DISC1: variants seen among roughly 807,000 people sequenced by gnomAD.
DISC1 encodes the protein disrupted in schizophrenia 1 protein.
Under a neutral mutation model 84.5 loss-of-function variants are expected in DISC1, and 57 were observed. The ratio of observed to expected loss-of-function variants is 0.67; its 90% CI spans 0.55 to 0.84. The LOEUF (loss-of-function observed/expected upper bound fraction) is 0.84. DISC1 is among the 40% of genes least tolerant of loss of function. The pLI is 0.00. For synonymous variants in DISC1, 411 were observed against 415.2 expected (o/e 0.99, Z 0.12); for missense variants, 1,000 against 1,057.8 (o/e 0.95, Z 0.76).
intron 9 of DISC1, among the ~76,000 whole-genome samples, chr1:231,884,979 G>C (rs190259675): frequency 2.6e-4 from 39 of 152,208 alleles, no homozygotes; most frequent in African/African-American, 8.7e-4. Context: ...GTCCTTCCGT[G>C]TTCCACCTGA....
At chr1:231,955,640 C>T (rs1024560052) in intron 9 of DISC1, among the ~76,000 whole-genome samples, 4 of 152,062 alleles carry the variant, frequency 2.6e-5, no homozygotes, top group African/African-American at 9.7e-5. Context: ...CAGGCACCCA[C>T]CACCACGCCC....
intron 1 of DISC1, among the ~76,000 whole-genome samples, chr1:231,680,095 G>T (rs540403759): frequency 1.3e-3 from 201 of 152,282 alleles, no homozygotes; most frequent in Non-Finnish European, 2.3e-3. Context: ...GGGCATGGTG[G>T]TGCATGCCTG....
intron 10 of DISC1, among the ~76,000 whole-genome samples, chr1:231,974,586 A>G (rs1440148697): frequency 1.3e-5 from 2 of 152,188 alleles, no homozygotes; most frequent in Non-Finnish European, 2.9e-5. Context: ...CTTCCGTAAT[A>G]AGAATCCCTA....
At chr1:231,681,132 G>A (rs1214904402) in intron 1 of DISC1, among the ~76,000 whole-genome samples, 20 of 152,196 alleles carry the variant, frequency 1.3e-4, no homozygotes, top group Admixed American at 1.3e-3. Flanking sequence ...AGATTTTGGA[G>A]TAGCACTTTA....
At position 231,834,341 on chromosome 1, in the gene DISC1, C is replaced by T. The variant is rs568899775; in HGVS notation, c.1981+15824C>T. On this transcript the variant is annotated intron_variant, in intron 9 of 12. Coordinates refer to ENST00000439617, the MANE Select transcript of DISC1 (RefSeq NM_018662.3). ...AAGGAAGATTAGAAAGACTTAGCGA[C>T]GCTTGGGGTTGGGACTGAGGGGACA... Among the ~76,000 whole-genome samples the T allele has an allele frequency of 7.2e-5, 11 of 151,996 alleles. No homozygotes were observed. The East Asian group carries it at 7.8e-4, about 11-fold the overall frequency.
At chr1:231,852,170 C>T (rs2083941717) in intron 9 of DISC1, among the ~76,000 whole-genome samples, 1 of 152,152 alleles carries the variant, frequency 6.6e-6, no homozygotes, top group Non-Finnish European at 1.5e-5. Flanking sequence ...CCAGTCGGCT[C>T]GTCTCCAAAG....
chr1:231,813,932 C>A (rs561236253), intron 8 of DISC1, among the ~76,000 whole-genome samples: 8 of 152,196 alleles, frequency 5.3e-5, no homozygotes, highest in Admixed American at 2.6e-4. Context: ...AGTACTTGTT[C>A]TCTTTTGTGC....
chr1:231,979,485 T>C (rs957138597), intron 10 of DISC1, among the ~76,000 whole-genome samples: 3 of 151,798 alleles, frequency 2.0e-5, no homozygotes, highest in African/African-American at 7.2e-5. Flanking sequence ...TATACTGTTA[T>C]TTTCAACTCA....
At chr1:231,931,032 C>T (rs2090626343) in intron 9 of DISC1, among the ~76,000 whole-genome samples, 1 of 152,182 alleles carries the variant, frequency 6.6e-6, no homozygotes, top group Non-Finnish European at 1.5e-5. Flanking sequence ...TCTAGTCATT[C>T]TGCTTTTGGT....
chr1:231,998,942 T>G (rs906247305), intron 10 of DISC1, among the ~76,000 whole-genome samples: 1 of 152,098 alleles, frequency 6.6e-6, no homozygotes, highest in Admixed American at 6.5e-5. Flanking sequence ...GAAAATACAT[T>G]AAAGCACTTT....
At chr1:231,831,482 G>T (rs2082219884) in intron 9 of DISC1, among the ~76,000 whole-genome samples, 1 of 152,176 alleles carries the variant, frequency 6.6e-6, no homozygotes, top group Admixed American at 6.5e-5. Context: ...GAGTAGGTGG[G>T]AATGACTGAT....
At chr1:231,841,805 CT>C (rs145460568) in intron 9 of DISC1, among the ~76,000 whole-genome samples, 25,782 of 152,092 alleles carry the variant, frequency 0.17, 2,245 homozygotes, top group Middle Eastern at 0.25. Flanking sequence ...TTATTAATAA[CT>C]GTTAATCAAC....
rs35891424 is a variant in DISC1 at position 231,750,571 on chromosome 1, T to G, written c.1268+495T>G. ...GTAATATATAGAGAGCAGTTGCTGC[T>G]TCTAATCCAGTGGCTTGTGGTCCTG... On this transcript the variant is annotated intron_variant, in intron 4 of 12. Coordinates refer to ENST00000439617, the MANE Select transcript of DISC1 (RefSeq NM_018662.3). 5,316 of 986,008 alleles carry G rather than the reference T, an allele frequency of 5.4e-3. 26 individuals are homozygous for G. The highest frequency in any genetic ancestry group is 6.0e-3 in the Non-Finnish European group (5,012 of 830,372). 61.1% of individuals were successfully genotyped at this position (986,008 alleles called of 1,614,324 possible).
At position 231,888,738 on chromosome 1, in the gene DISC1, CAA is replaced by C. The variant is rs34003319; in HGVS notation, c.1982-70068_1982-70067del. Among the ~76,000 whole-genome samples the C allele has an allele frequency of 6.4e-3, 347 of 54,040 alleles. 1 individual carries two copies. Among genetic ancestry groups the C allele is most frequent in the Middle Eastern group, 0.011 (1 of 94 alleles). 35.5% of individuals were successfully genotyped at this position (54,040 alleles called of 152,430 possible). On this transcript the variant is annotated intron_variant, in intron 9 of 12. Transcript: ENST00000439617. ...GGGCGACAGAGTGAGGCTCTGTCTC[CAA>C]AAAAAAAAAAAAAAAAAAAAAGAGT... is the stretch of plus-strand genomic sequence containing the variant.
chr1:231,778,508 T>C (rs1176436844), intron 6 of DISC1, among the ~76,000 whole-genome samples: 1 of 152,274 alleles, frequency 6.6e-6, no homozygotes, highest in Admixed American at 6.5e-5. Context: ...GCACTTTCCT[T>C]AGGGCTGGTC....
intron 3 of DISC1, among the ~76,000 whole-genome samples, chr1:231,745,248 G>T (rs1296579407): frequency 1.3e-5 from 2 of 151,894 alleles, no homozygotes; most frequent in East Asian, 3.9e-4. Flanking sequence ...TTGAGACGTA[G>T]TTTTCCTCTG....
At chr1:231,634,701 C>T (rs539908063) in intron 1 of DISC1, among the ~76,000 whole-genome samples, 3 of 152,286 alleles carry the variant, frequency 2.0e-5, no homozygotes, top group African/African-American at 7.2e-5. Context: ...CATTCACAAA[C>T]ACTAGCACCT....
intron 1 of DISC1, among the ~76,000 whole-genome samples, 188 bp downstream of exon 1, chr1:231,627,122 C>G (rs755812445): frequency 6.6e-6 from 1 of 152,210 alleles, no homozygotes; most frequent in Non-Finnish European, 1.5e-5. Context: ...GGGCTGCCAG[C>G]CCGGCACCAG....
chr1:231,850,230 G>C (rs1472918180), intron 9 of DISC1, among the ~76,000 whole-genome samples: 1 of 152,166 alleles, frequency 6.6e-6, no homozygotes, highest in Non-Finnish European at 1.5e-5. Context: ...CTTCCCCTTG[G>C]CTGTCTTTAT....
Sources: allele counts gnomAD v4.1 joint callset (sites outside exome capture counted in the v4.1 genomes callset), GRCh38; gene constraint gnomAD v4.1.1; transcripts MANE v1.5; gene names NCBI Gene and HGNC (gene_info 2026-07-23, HGNC 2026-07-21).